The following DPYSL2 variants were observed in gnomAD, a reference collection of about 807,000 sequenced individuals.
DPYSL2 encodes dihydropyrimidinase like 2.
Under a neutral mutation model 69.9 loss-of-function variants are expected in DPYSL2, and 13 were observed. The observed-to-expected ratio is 0.19, with a 90% CI of 0.12 to 0.30. The LOEUF (loss-of-function observed/expected upper bound fraction) is 0.30. Among genes scored for constraint, DPYSL2 ranks in the 10% least tolerant of loss-of-function variants. DPYSL2 has a pLI of 1.00. For synonymous variants in DPYSL2, 326 were observed against 359.1 expected, an observed-to-expected ratio of 0.91 and a Z score of 1.04; for missense variants, 587 against 918.9, an observed-to-expected ratio of 0.64 and a Z score of 4.67.
chr8:26,550,548 C>A (rs1179153535), intron 1 of DPYSL2, among the ~76,000 whole-genome samples: 1 of 134,792 alleles, frequency 7.4e-6, no homozygotes, highest in South Asian at 2.4e-4. Context: ...GTACAAGAAA[C>A]CCACCCTAAA....
At chr8:26,575,126 G>T (rs1262519572) in intron 1 of DPYSL2, among the ~76,000 whole-genome samples, 1 of 152,158 alleles carries the variant, frequency 6.6e-6, no homozygotes, top group East Asian at 1.9e-4. Flanking sequence ...TGCAGACGGG[G>T]TTTCACCATG....
intron 1 of DPYSL2, among the ~76,000 whole-genome samples, chr8:26,551,691 C>T (rs932647872): frequency 6.6e-6 from 1 of 152,170 alleles, no homozygotes; most frequent in South Asian, 2.1e-4. Context: ...AAAACACACC[C>T]TTAACACATT....
At chr8:26,611,907 G>A (rs981225728) in intron 3 of DPYSL2, among the ~76,000 whole-genome samples, 11 of 152,212 alleles carry the variant, frequency 7.2e-5, no homozygotes, top group Admixed American at 3.9e-4. Flanking sequence ...GGCCTGGTTC[G>A]GGGATGCCTA....
chr8:26,563,987 T>C (rs1801112258), intron 1 of DPYSL2, among the ~76,000 whole-genome samples: 1 of 152,066 alleles, frequency 6.6e-6, no homozygotes, highest in Non-Finnish European at 1.5e-5. Context: ...TCATTGATAT[T>C]TAAGACTGGG....
At chr8:26,540,903 T>TTA (rs1477547792) in intron 1 of DPYSL2, among the ~76,000 whole-genome samples, 1 of 70,938 alleles carries the variant, frequency 1.4e-5, no homozygotes, top group African/African-American at 4.0e-5. Context: ...AGACTCTGTC[T>TTA]CAAAAAAAAA....
rs1449512075 is a variant in DPYSL2 at position 26,560,614 on chromosome 8, T to TA, written c.355-21354dup. On this transcript the variant is annotated intron_variant, in intron 1 of 13. Transcript: ENST00000521913. The surrounding 1 kb of genome is among the most constrained non-coding windows in gnomAD (Gnocchi z 4.4). Reference sequence around the variant, plus strand: ...AAGCAGAAATAATGGGTCTTGGTGATACCCAATATCTCACTTGAACCAGGT... The same window carrying TA: ...AAGCAGAAATAATGGGTCTTGGTGATAACCCAATATCTCACTTGAACCAGGT... 5.9e-5 allele frequency among the ~76,000 whole-genome samples: 9 copies of TA among 152,184 alleles called. No individual in the cohort carries two copies. The highest frequency in any genetic ancestry group is 1.5e-5 in the Non-Finnish European group (1 of 68,032).
intron 3 of DPYSL2, among the ~76,000 whole-genome samples, chr8:26,615,006 CA>C (rs1299697037): frequency 6.6e-6 from 1 of 152,212 alleles, no homozygotes; most frequent in Non-Finnish European, 1.5e-5. Context: ...CTGCACTGGC[CA>C]AGGCCACGTG....
chr8:26,579,511 A>T (rs1400145962), intron 1 of DPYSL2, among the ~76,000 whole-genome samples: 2 of 152,074 alleles, frequency 1.3e-5, no homozygotes, highest in Non-Finnish European at 2.9e-5. Flanking sequence ...AGCAGTCAGG[A>T]TGTGTTTTTA....
chr8:26,556,038 A>G (rs1331656969), intron 1 of DPYSL2, among the ~76,000 whole-genome samples: 12 of 100,210 alleles, frequency 1.2e-4, no homozygotes, highest in Non-Finnish European at 1.8e-4. Flanking sequence ...ATAAGTATAT[A>G]TATAGTTTAT....
chr8:26,611,992 A>G (rs367873128), intron 3 of DPYSL2, among the ~76,000 whole-genome samples: 6 of 152,212 alleles, frequency 3.9e-5, no homozygotes, highest in African/African-American at 1.4e-4. Context: ...TTGAGAGGGC[A>G]CCAGACCTAA....
intron 1 of DPYSL2, among the ~76,000 whole-genome samples, chr8:26,544,932 A>T (rs1800741483): frequency 6.6e-6 from 1 of 152,244 alleles, no homozygotes; most frequent in Admixed American, 6.5e-5. Context: ...TTATAGTGAT[A>T]AAAAGGTCAG....
chr8:26,622,638 G>A (rs568278740), intron 3 of DPYSL2, among the ~76,000 whole-genome samples: 1 of 152,216 alleles, frequency 6.6e-6, no homozygotes, highest in South Asian at 2.1e-4. Context: ...AAGTAGCTGG[G>A]ACTACAGGCA....
At chr8:26,634,732 C>T (rs745913729) in intron 7 of DPYSL2, 48 bp from the exon 8 acceptor site, 14 of 1,612,260 alleles carry the variant, frequency 8.7e-6, no homozygotes, top group East Asian at 4.5e-5. Flanking sequence ...GGTAGCGGCT[C>T]GTGGGGTGGG....
intron 4 of DPYSL2, among the ~76,000 whole-genome samples, chr8:26,625,797 G>A (rs1453352296): frequency 6.6e-6 from 1 of 152,160 alleles, no homozygotes; most frequent in Non-Finnish European, 1.5e-5. Context: ...TTTGGTAGAG[G>A]CAGCTTAAAA....
At chr8:26,606,511 G>A (rs937151017) in intron 3 of DPYSL2, among the ~76,000 whole-genome samples, 2 of 152,092 alleles carry the variant, frequency 1.3e-5, no homozygotes, top group African/African-American at 4.8e-5. Context: ...ATAAAGGGTT[G>A]ATGCATTTAA....
rs141776165 is a variant in DPYSL2 at position 26,588,617 on chromosome 8, T to C, written c.628+4634T>C. Among the ~76,000 whole-genome samples, 1,870 of 152,212 alleles carry C rather than the reference T, an allele frequency of 0.012. 39 individuals carry two copies. The highest frequency in any genetic ancestry group is 0.042 in the African/African-American group (1,758 of 41,540). On this transcript the variant is annotated intron_variant, in intron 3 of 13. Transcript: ENST00000521913. The surrounding 1 kb of genome is among the most constrained non-coding windows in gnomAD (Gnocchi z 5.4). ...AGCACCGCACAGCAGAGATGGGGAC[T>C]GGACTCTAGCAGGGAGGAGGAGGGG... is the stretch of plus-strand genomic sequence containing the variant.
intron 3 of DPYSL2, among the ~76,000 whole-genome samples, chr8:26,616,266 A>T (rs1319430122): frequency 6.6e-6 from 1 of 151,856 alleles, no homozygotes; most frequent in Non-Finnish European, 1.5e-5. Context: ...CCTTTTTTTC[A>T]GAGCAAAACC....
In DPYSL2 at chr8:26,578,019, T is replaced by TC. The variant is rs1563393899; in HGVS notation, c.355-3950_355-3949insC. The stretch of plus-strand genomic sequence containing the variant: ...TCTCTCTCTCTCTCTCTCTCTCTCT[T>TC]TTTTTTCCGCCCTAGCTGGGGCTGT... On this transcript the variant is annotated intron_variant, in intron 1 of 13. Coordinates refer to ENST00000521913, the MANE Select transcript of DPYSL2 (RefSeq NM_001197293.3). The TC allele has an allele frequency of 1.2e-5, 16 of 1,351,350 alleles. No homozygotes were observed. In the African/African-American group the frequency reaches 1.8e-4, roughly 16 times the overall value. The allele number at this position is 1,351,350 out of a possible 1,614,324, so 83.7% of individuals were successfully genotyped here.
In DPYSL2 at chr8:26,640,421, A is replaced by G. The variant is rs1003302280; in HGVS notation, c.1127-3018A>G. ...TATTTAGAGAAGTGCAGAAGGGCCA[A>G]TTAAGCCCATTTCGTGGTTTATTAT... On this transcript the variant is annotated intron_variant, in intron 8 of 13. Coordinates refer to ENST00000521913, the MANE Select transcript of DPYSL2 (RefSeq NM_001197293.3). This position sits in a 1 kb window ranked among gnomAD's most constrained non-coding sequence, Gnocchi z 4.2. 3.3e-5 allele frequency among the ~76,000 whole-genome samples: 5 copies of G among 152,232 alleles called. No homozygotes were observed. The highest frequency in any genetic ancestry group is 9.6e-5 in the African/African-American group (4 of 41,464).
Sources: gnomAD v4.1 joint callset for allele counts (sites outside exome capture counted in the v4.1 genomes callset) on GRCh38, gnomAD v4.1.1 for gene constraint, Gnocchi (gnomAD v3.1) non-coding constraint, MANE v1.5 for transcripts, NCBI Gene and HGNC (gene_info 2026-07-23, HGNC 2026-07-21) for gene names.